Variants in MCTP1 observed in about 807,000 individuals in gnomAD.
The protein encoded by MCTP1 is multiple C2 and transmembrane domain containing 1, also known as multiple C2 and transmembrane domain-containing protein 1.
Under a neutral mutation model 120.6 loss-of-function variants are expected in MCTP1, and 69 were observed. That is an observed-to-expected ratio of 0.57 (90% CI 0.47 to 0.70). The LOEUF (loss-of-function observed/expected upper bound fraction) is 0.70, where lower values mean the gene tolerates loss of function less well. Among genes scored for constraint, MCTP1 ranks in the 30% least tolerant of loss-of-function variants. The pLI is 0.00. For missense variants in MCTP1, 1,203 were observed against 1,248.8 expected (o/e 0.96, Z 0.55); for synonymous variants, 529 against 493.1 (o/e 1.07, Z -0.96).
intron 1 of MCTP1, among the ~76,000 whole-genome samples, chr5:95,254,578 T>G (rs1300830457): frequency 6.6e-6 from 1 of 152,154 alleles, no homozygotes; most frequent in African/African-American, 2.4e-5. Flanking sequence ...TTGACCCTCT[T>G]CTATATGTCA....
chr5:95,093,737 C>T (rs1756020258), intron 1 of MCTP1, among the ~76,000 whole-genome samples: 1 of 152,152 alleles, frequency 6.6e-6, no homozygotes, highest in South Asian at 2.1e-4. Flanking sequence ...TGTGACATTC[C>T]TCCCATCAGC....
chr5:94,811,698 G>T (rs764682910), intron 17 of MCTP1, among the ~76,000 whole-genome samples: 9 of 152,120 alleles, frequency 5.9e-5, no homozygotes, highest in Non-Finnish European at 1.3e-4. Flanking sequence ...AAATTAGTCC[G>T]CAAAACAGAT....
chr5:94,848,513 C>T (rs1008809667), intron 17 of MCTP1, among the ~76,000 whole-genome samples: 1 of 152,088 alleles, frequency 6.6e-6, no homozygotes, highest in African/African-American at 2.4e-5. Context: ...TCCTCACAAA[C>T]AATAAGCTCT....
chr5:94,770,223 G>A (rs956569185), intron 19 of MCTP1, among the ~76,000 whole-genome samples: 1 of 152,160 alleles, frequency 6.6e-6, no homozygotes, highest in Non-Finnish European at 1.5e-5. Flanking sequence ...GGTGTCAGCC[G>A]TGTCAACGAC....
At chr5:95,007,046 G>T (rs1205493589) in intron 2 of MCTP1, among the ~76,000 whole-genome samples, 2 of 152,094 alleles carry the variant, frequency 1.3e-5, no homozygotes, top group African/African-American at 4.8e-5. Flanking sequence ...CCGCATGGCT[G>T]GAAACTTACA....
chr5:95,216,874 A>G (rs1377548556), intron 1 of MCTP1, among the ~76,000 whole-genome samples: 1 of 152,214 alleles, frequency 6.6e-6, no homozygotes, highest in African/African-American at 2.4e-5. Flanking sequence ...TACTATTATT[A>G]GTAAAGTACA....
chr5:95,129,490 G>C (rs1387081513), intron 1 of MCTP1, among the ~76,000 whole-genome samples: 2 of 152,160 alleles, frequency 1.3e-5, no homozygotes, highest in African/African-American at 4.8e-5. Flanking sequence ...AACTTGACAG[G>C]GCTAACGGAT....
chr5:94,739,506 A>G (rs918699319), intron 19 of MCTP1: 1 of 152,218 alleles, frequency 6.6e-6, no homozygotes, highest in Non-Finnish European at 1.5e-5. Flanking sequence ...TGGCATTCGA[A>G]TAAGAAGATG....
intron 12 of MCTP1, among the ~76,000 whole-genome samples, chr5:94,874,759 C>T (rs74733958): frequency 8.5e-5 from 13 of 152,118 alleles, no homozygotes; most frequent in African/African-American, 3.1e-4. Context: ...CATTAAAACA[C>T]GTAGCAATAG....
At chr5:94,904,971 A>G (rs578105136) in intron 10 of MCTP1, among the ~76,000 whole-genome samples, 7 of 152,352 alleles carry the variant, frequency 4.6e-5, no homozygotes, top group Non-Finnish European at 7.4e-5. Context: ...ATAGTTTGCC[A>G]TATGGTGGTT....
At chr5:94,723,912 A>AAG (rs1209746914) in intron 19 of MCTP1, among the ~76,000 whole-genome samples, 66 of 152,100 alleles carry the variant, frequency 4.3e-4, no homozygotes, top group African/African-American at 1.5e-3. Flanking sequence ...GAAGGAAGAA[A>AAG]AGAGAGAGAG....
At chr5:94,938,652 T>C (rs1453509243) in intron 5 of MCTP1, among the ~76,000 whole-genome samples, 1 of 152,080 alleles carries the variant, frequency 6.6e-6, no homozygotes, top group East Asian at 1.9e-4. Flanking sequence ...GATTCCTGGG[T>C]TCTCCACTGG....
chr5:94,939,418 A>G (rs1817006286), intron 5 of MCTP1, among the ~76,000 whole-genome samples: 1 of 152,036 alleles, frequency 6.6e-6, no homozygotes, highest in Non-Finnish European at 1.5e-5. Context: ...AATCTCTGGC[A>G]AGTTGTGACA....
At chr5:94,887,109 A>G (rs1443251677) in intron 12 of MCTP1, among the ~76,000 whole-genome samples, 1 of 152,160 alleles carries the variant, frequency 6.6e-6, no homozygotes, top group Non-Finnish European at 1.5e-5. Context: ...ATTAGATTAT[A>G]AGGTCAGCGT....
intron 1 of MCTP1, among the ~76,000 whole-genome samples, chr5:95,057,885 C>T (rs1747843934): frequency 8.5e-5 from 13 of 152,182 alleles, no homozygotes; most frequent in Admixed American, 8.5e-4. Flanking sequence ...CCTAGATAAG[C>T]ATCCTCTGAA....
chr5:94,770,061 T>A (rs533112932), intron 19 of MCTP1, among the ~76,000 whole-genome samples: 2 of 152,328 alleles, frequency 1.3e-5, no homozygotes, highest in Non-Finnish European at 2.9e-5. Flanking sequence ...TCAATGTCTT[T>A]AAAATGGTGA....
chr5:95,048,406 A>G (rs1745091569), intron 1 of MCTP1, among the ~76,000 whole-genome samples: 2 of 152,224 alleles, frequency 1.3e-5, no homozygotes, highest in Non-Finnish European at 2.9e-5. Flanking sequence ...TAAAGAATTT[A>G]TGCCCACTGT....
chr5:95,201,463 G>GTTTTTTTTTTTT (rs1562232022), intron 1 of MCTP1, among the ~76,000 whole-genome samples: 2 of 120,682 alleles, frequency 1.7e-5, no homozygotes, highest in Admixed American at 9.1e-5. Context: ...AAGGAAAAGT[G>GTTTTTTTTTTTT]GTTTTTTTTT....
intron 3 of MCTP1, among the ~76,000 whole-genome samples, chr5:94,942,768 G>A (rs191176887): frequency 1.3e-5 from 2 of 151,936 alleles, no homozygotes; most frequent in Non-Finnish European, 2.9e-5. Flanking sequence ...TGATTGATGA[G>A]AATATGATTC....
Sources: gnomAD v4.1 joint callset for allele counts (sites outside exome capture counted in the v4.1 genomes callset) on GRCh38, gnomAD v4.1.1 for gene constraint, MANE v1.5 for transcripts, NCBI Gene and HGNC (gene_info 2026-07-23, HGNC 2026-07-21) for gene names.